PIEZO1: variants seen among roughly 807,000 people sequenced by gnomAD.
PIEZO1 encodes the protein piezo-type mechanosensitive ion channel component 1.
In PIEZO1, 296 loss-of-function variants were observed where a neutral mutation model predicts 297.2. That is an observed-to-expected ratio of 1.00 (90% CI 0.91 to 1.10). PIEZO1 has a LOEUF of 1.10. PIEZO1 is among the 50% of genes least tolerant of loss of function. The pLI is 0.00. For missense variants in PIEZO1, 5,018 were observed against 3,455.5 expected (o/e 1.45, Z -11.34); for synonymous variants, 2,427 against 1,507.5 (o/e 1.61, Z -14.13).
rs73264770 is a variant in PIEZO1 at position 88,724,794 on chromosome 16, T to C, written c.4234+215A>G. ...TCGGGGCAAGCTCCGAGACTCCCAC[T>C]GTTGGAAGGGCTGGGGCATAGCCAG... On this transcript the variant is annotated intron_variant, in intron 30 of 50. Coordinates refer to ENST00000301015, the MANE Select transcript of PIEZO1 (RefSeq NM_001142864.4). Among the ~76,000 whole-genome samples, 22,364 of 151,996 alleles carry C rather than the reference T, an allele frequency of 0.15. 2,374 individuals carry two copies. Among genetic ancestry groups the C allele is most frequent in the African/African-American group, 0.3 (12,324 of 41,444 alleles).
intron 40 of PIEZO1, 24 bp downstream of exon 40, chr16:88,720,592 C>G (rs1459262808): frequency 6.5e-7 from 1 of 1,540,978 alleles, no homozygotes; most frequent in East Asian, 2.4e-5. Flanking sequence ...CACTCCCCAG[C>G]TGCCCCCGGC....
At position 88,726,841 on chromosome 16, in the gene PIEZO1, C is replaced by T; in HGVS notation, c.3573G>A (p.Leu1191=). The T allele has an allele frequency of 6.4e-7, 1 of 1,550,390 alleles. No individual in the cohort carries two copies. Among genetic ancestry groups the T allele is most frequent in the Non-Finnish European group, 8.7e-7 (1 of 1,146,940 alleles). ...RISIFGLGYL[L]ACFYLLLFGT... Reference sequence around the variant, plus strand: ...CGAAGAGCAGCAGGTAGAAGCAGGCCAGCAGGTAGCCCAGCCCGAAGATGC... The same window carrying T: ...CGAAGAGCAGCAGGTAGAAGCAGGCTAGCAGGTAGCCCAGCCCGAAGATGC... The change falls in exon 25 of 51, where the codon CTG becomes CTA. Residue 1191 remains leucine, a synonymous_variant. Transcript: ENST00000301015.
chr16:88,770,944 G>A lies in PIEZO1; in HGVS notation c.64+13957C>T, dbSNP rs543653918. ...GGCGGCACTGGAGAGACTCCCTGCC[G>A]TCACATGCCCTGAGCGCAGGGGATT... On this transcript the variant is annotated intron_variant, in intron 1 of 50. Transcript: ENST00000301015. Among the ~76,000 whole-genome samples, 60 of 152,344 alleles carry A rather than the reference G, an allele frequency of 3.9e-4. No homozygotes were observed. The South Asian group carries it at 0.012, about 29-fold the overall frequency.
At chr16:88,732,961 G>C (rs543702353) in intron 19 of PIEZO1, 155 of 588,666 alleles carry the variant, frequency 2.6e-4, no homozygotes, top group Non-Finnish European at 3.6e-4. Context: ...GGGAGAAGGA[G>C]GGATGTGCGA....
intron 36 of PIEZO1, 62 bp from the exon 37 acceptor site, chr16:88,722,128 C>A: frequency 6.6e-7 from 1 of 1,522,866 alleles, no homozygotes; most frequent in Non-Finnish European, 8.8e-7. Flanking sequence ...ACGGCCCGAT[C>A]TGTTGCCGGT....
chr16:88,735,386 A>G, intron 12 of PIEZO1, 140 bp from the exon 13 acceptor site: 1 of 655,108 alleles, frequency 1.5e-6, no homozygotes, highest in East Asian at 2.7e-5. Flanking sequence ...GCCTCCCCAC[A>G]GGCACCGAAC....
chr16:88,725,019 G>C lies in PIEZO1; in HGVS notation c.4224C>G (p.Asp1408Glu), dbSNP rs1364625499. 6 of 1,489,726 alleles carry C rather than the reference G, an allele frequency of 4.0e-6. No homozygotes were observed. In the African/African-American group the frequency reaches 4.3e-5, roughly 11 times the overall value. The allele number at this position is 1,489,726 out of a possible 1,614,324, so 92.3% of individuals were successfully genotyped here. ...CCTAATTGGGGGTACCTGTGGCGTGGTCCAGCCAGGGCCGCCACCACTGCC... is the reference window on the plus strand; with the variant it reads ...CCTAATTGGGGGTACCTGTGGCGTGCTCCAGCCAGGGCCGCCACCACTGCC... ...PRRQWWRPWL[D>E]HATVIHSGDY... Residue 1408 changes from aspartate to glutamate, a missense_variant, in exon 30 of 51, where the codon GAC becomes GAG. Transcript: ENST00000301015.
At position 88,744,057 on chromosome 16, in the gene PIEZO1, C is replaced by T. The variant is rs550858027; in HGVS notation, c.161-1635G>A. 2.8e-4 allele frequency: 52 copies of T among 182,722 alleles called. 1 individual carries two copies. In the South Asian group the frequency reaches 5.2e-3, roughly 18 times the overall value. 11.3% of individuals were successfully genotyped at this position (182,722 alleles called of 1,614,324 possible). The stretch of plus-strand genomic sequence containing the variant: ...TGCCAGGCTTCTCACTGCTCACGAC[C>T]TCCGTGCCGGGCTCATACCTGCCGC... On this transcript the variant is annotated intron_variant, in intron 2 of 50. Coordinates refer to ENST00000301015, the MANE Select transcript of PIEZO1 (RefSeq NM_001142864.4).
intron 1 of PIEZO1, among the ~76,000 whole-genome samples, chr16:88,769,592 G>C (rs1249171143): frequency 6.6e-6 from 1 of 152,152 alleles, no homozygotes; most frequent in African/African-American, 2.4e-5. Context: ...ACCTCACATC[G>C]GCCGGCTCCA....
At chr16:88,731,607 C>T in intron 22 of PIEZO1, 99 bp downstream of exon 22, 1 of 898,924 alleles carries the variant, frequency 1.1e-6, no homozygotes, top group Non-Finnish European at 1.7e-6. Context: ...AAGGCTAAGT[C>T]TAGGAGGGTG....
chr16:88,759,394 CA>C (rs1194415908), intron 1 of PIEZO1, among the ~76,000 whole-genome samples: 1 of 152,242 alleles, frequency 6.6e-6, no homozygotes, highest in East Asian at 1.9e-4. Flanking sequence ...AGGGCAGCTA[CA>C]GGGAGCCGGG....
At chr16:88,730,334 G>A (rs904361535) in intron 22 of PIEZO1, among the ~76,000 whole-genome samples, 3 of 145,484 alleles carry the variant, frequency 2.1e-5, no homozygotes, top group African/African-American at 7.8e-5. Context: ...GCTCACGCCT[G>A]TAATCCCAGG....
chr16:88,749,200 A>C (rs1215561877), intron 2 of PIEZO1, among the ~76,000 whole-genome samples, 184 bp downstream of exon 2: 1 of 151,990 alleles, frequency 6.6e-6, no homozygotes, highest in Non-Finnish European at 1.5e-5. Context: ...AGATCGCGCC[A>C]CTGCACTCCA....
intron 11 of PIEZO1, 42 bp downstream of exon 11, chr16:88,736,597 C>T (rs779387619): frequency 1.9e-5 from 28 of 1,493,528 alleles, no homozygotes; most frequent in South Asian, 8.8e-5. Flanking sequence ...CACACCTGCG[C>T]GGCAGAGGGG....
At position 88,726,816 on chromosome 16, in the gene PIEZO1, C is replaced by A. The variant is rs376165646; in HGVS notation, c.3598G>T (p.Gly1200Cys). 20 of 1,550,278 alleles carry A rather than the reference C, an allele frequency of 1.3e-5. No individual in the cohort carries two copies. The highest frequency in any genetic ancestry group is 2.4e-5 in the East Asian group (1 of 40,906). ...GTGTCCCTCTGCAGCAGGGCCGTGC[C>A]GAAGAGCAGCAGGTAGAAGCAGGCC... ...LLACFYLLLFGTALLQRDTRA... is the reference protein window; with the variant it reads ...LLACFYLLLFCTALLQRDTRA... The change falls in exon 25 of 51, where the codon GGC (glycine) becomes TGC (cysteine). Residue 1200 changes from glycine to cysteine, a missense_variant. Gly to Cys is a radical substitution (Grantham distance 159). Transcript: ENST00000301015.
chr16:88,721,527 C>A lies in PIEZO1; in HGVS notation c.5403+11G>T. The A allele has an allele frequency of 6.5e-7, 1 of 1,546,778 alleles. No individual in the cohort carries two copies. Among genetic ancestry groups the A allele is most frequent in the Non-Finnish European group, 8.7e-7 (1 of 1,144,460 alleles). On this transcript the variant is annotated intron_variant, in intron 38 of 50. Transcript: ENST00000301015. ...CCCAGCCCCGCATTGCCAGCCAAGG[C>A]TCACACTCACCAGCAGCTGGGAGCG...
At chr16:88,742,475 G>C (rs538742336) in intron 2 of PIEZO1, 53 bp from the exon 3 acceptor site, 5 of 1,516,556 alleles carry the variant, frequency 3.3e-6, no homozygotes, top group East Asian at 4.9e-5. Flanking sequence ...AGGGGCCGCA[G>C]CCCAGGCCGC....
At chr16:88,719,098 C>T (rs1234121042) in intron 44 of PIEZO1, 1 of 163,304 alleles carries the variant, frequency 6.1e-6, no homozygotes, top group African/African-American at 2.4e-5. Flanking sequence ...TACCTCCCTC[C>T]TGGGTCTCTT....
At chr16:88,727,786 C>G (rs1196901764) in intron 22 of PIEZO1, 125 bp from the exon 23 acceptor site, 2 of 473,252 alleles carry the variant, frequency 4.2e-6, no homozygotes, top group Non-Finnish European at 7.6e-6. Flanking sequence ...CTCGCGCACA[C>G]CTGGTGTCTC....
Sources: allele counts gnomAD v4.1 joint callset (sites outside exome capture counted in the v4.1 genomes callset), GRCh38; gene constraint gnomAD v4.1.1; transcripts MANE v1.5; gene names NCBI Gene and HGNC (gene_info 2026-07-23, HGNC 2026-07-21).